Variants in LRBA observed in about 807,000 individuals in gnomAD.
The protein encoded by LRBA is LPS responsive beige-like anchor protein.
In LRBA, 176 loss-of-function variants were observed where a neutral mutation model predicts 330.0. That is an observed-to-expected ratio of 0.53 (90% confidence interval 0.47 to 0.60). The LOEUF (loss-of-function observed/expected upper bound fraction) is 0.60, where lower values mean the gene tolerates loss of function less well. Among genes scored for constraint, LRBA ranks in the 20% least tolerant of loss-of-function variants. The probability of loss-of-function intolerance (pLI) is 0.00; values close to 1 mark genes in which losing one functional copy is unlikely to be tolerated. For missense variants in LRBA, 3,259 were observed against 3,444.8 expected (o/e 0.95, Z 1.35); for synonymous variants, 1,230 against 1,193.0 (o/e 1.03, Z -0.64).
At chr4:150,352,519 A>G (rs1021101216) in intron 47 of LRBA, among the ~76,000 whole-genome samples, 6 of 152,216 alleles carry the variant, frequency 3.9e-5, no homozygotes, top group African/African-American at 1.2e-4. Context: ...TGAGAAAGTT[A>G]TTGTTTTAGA....
At chr4:150,755,713 T>C (rs1472645175) in intron 35 of LRBA, among the ~76,000 whole-genome samples, 1 of 151,332 alleles carries the variant, frequency 6.6e-6, no homozygotes, top group Non-Finnish European at 1.5e-5. Context: ...ATAGAAACAA[T>C]GAGGAGAAAC....
intron 20 of LRBA, 49 bp from the exon 21 acceptor site, chr4:150,868,354 C>T: frequency 7.1e-7 from 1 of 1,411,952 alleles, no homozygotes; most frequent in Non-Finnish European, 9.7e-7. Context: ...ACAAAAAACT[C>T]ATGATAGAAG....
intron 40 of LRBA, among the ~76,000 whole-genome samples, chr4:150,545,627 A>T (rs1478830609): frequency 6.6e-6 from 1 of 152,160 alleles, no homozygotes; most frequent in Admixed American, 6.5e-5. Flanking sequence ...TTTATGCTTT[A>T]AAAATAGGTT....
intron 34 of LRBA, among the ~76,000 whole-genome samples, chr4:150,772,412 C>T (rs766648043): frequency 3.3e-5 from 5 of 152,130 alleles, no homozygotes; most frequent in African/African-American, 4.8e-5. Flanking sequence ...ATGCAACTTA[C>T]TTGTGTTTTC....
At chr4:150,364,916 T>C (rs1469150409) in intron 47 of LRBA, among the ~76,000 whole-genome samples, 1 of 151,890 alleles carries the variant, frequency 6.6e-6, no homozygotes, top group Non-Finnish European at 1.5e-5. Flanking sequence ...TTCACTATAA[T>C]ATTTTATATC....
chr4:151,006,377 T>G (rs960931636), intron 2 of LRBA, among the ~76,000 whole-genome samples: 1 of 152,058 alleles, frequency 6.6e-6, no homozygotes, highest in South Asian at 2.1e-4. Context: ...GGAACTAGGC[T>G]TCCTAAAGAT....
At chr4:150,349,931 T>C in intron 48 of LRBA, 61 bp downstream of exon 48, 1 of 1,460,032 alleles carries the variant, frequency 6.8e-7, no homozygotes, top group Non-Finnish European at 9.5e-7. Flanking sequence ...AGGTGTTCTC[T>C]AGCTCCTTCT....
At position 150,271,722 on chromosome 4, in the gene LRBA, C is replaced by T. The variant is rs190008001; in HGVS notation, c.8469-5910G>A. On this transcript the variant is annotated intron_variant, in intron 56 of 56. Coordinates refer to ENST00000651943, the MANE Select transcript of LRBA (RefSeq NM_001364905.1). ...GCTTGAGTAGGTGGTTTTACCCTCACGGTGTAAACAAAGCCTCTGGGGAGT... is the reference window on the plus strand; with the variant it reads ...GCTTGAGTAGGTGGTTTTACCCTCATGGTGTAAACAAAGCCTCTGGGGAGT... Among the ~76,000 whole-genome samples the T allele has an allele frequency of 4.3e-4, 66 of 152,294 alleles. 1 individual carries two copies. Among genetic ancestry groups the T allele is most frequent in the South Asian group, 2.1e-3 (10 of 4,830 alleles).
intron 48 of LRBA, among the ~76,000 whole-genome samples, chr4:150,342,987 T>G (rs913684093): frequency 6.7e-6 from 1 of 149,594 alleles, no homozygotes; most frequent in Non-Finnish European, 1.5e-5. Context: ...AATGTGCTAA[T>G]ATTAATGATA....
At chr4:150,679,075 A>G (rs1026972885) in intron 37 of LRBA, among the ~76,000 whole-genome samples, 3 of 152,200 alleles carry the variant, frequency 2.0e-5, no homozygotes, top group Middle Eastern at 3.2e-3. Flanking sequence ...ATACGTCAAG[A>G]TGAGTTCAAT....
At chr4:150,603,905 A>T (rs779577792) in intron 37 of LRBA, among the ~76,000 whole-genome samples, 1 of 152,182 alleles carries the variant, frequency 6.6e-6, no homozygotes, top group Non-Finnish European at 1.5e-5. Context: ...ACATCAATAG[A>T]TAGGCTATTT....
chr4:150,689,380 G>A (rs962726447), intron 36 of LRBA, among the ~76,000 whole-genome samples: 3 of 151,800 alleles, frequency 2.0e-5, no homozygotes, highest in Non-Finnish European at 4.4e-5. Flanking sequence ...GATGGGTGCA[G>A]CAAACCACAA....
At chr4:150,683,477 T>C (rs913585016) in intron 37 of LRBA, 74 bp downstream of exon 37, 4 of 1,154,832 alleles carry the variant, frequency 3.5e-6, no homozygotes, top group African/African-American at 3.1e-5. Flanking sequence ...GCTTTGATCA[T>C]ATCCAAAGTC....
At chr4:150,742,926 A>G (rs1732213548) in intron 35 of LRBA, among the ~76,000 whole-genome samples, 1 of 152,102 alleles carries the variant, frequency 6.6e-6, no homozygotes, top group Non-Finnish European at 1.5e-5. Context: ...AAAACAAAAA[A>G]AGAGCAAACA....
intron 40 of LRBA, among the ~76,000 whole-genome samples, chr4:150,504,886 C>T (rs567336206): frequency 5.9e-5 from 9 of 152,126 alleles, no homozygotes; most frequent in African/African-American, 1.7e-4. Flanking sequence ...GGAAGATCTA[C>T]CAAGCAAATG....
chr4:150,293,250 A>G (rs1226083035), intron 53 of LRBA, among the ~76,000 whole-genome samples: 2 of 152,212 alleles, frequency 1.3e-5, no homozygotes, highest in Non-Finnish European at 2.9e-5. Flanking sequence ...CATGCGGCTC[A>G]CCATAATGGT....
At chr4:150,381,407 T>C (rs1203050722) in intron 47 of LRBA, among the ~76,000 whole-genome samples, 3 of 152,226 alleles carry the variant, frequency 2.0e-5, no homozygotes, top group Non-Finnish European at 4.4e-5. Flanking sequence ...TGTATTTCTA[T>C]GGATTTGTCT....
chr4:150,288,221 C>T (rs1446796555), intron 53 of LRBA, among the ~76,000 whole-genome samples: 2 of 151,884 alleles, frequency 1.3e-5, no homozygotes, highest in African/African-American at 2.4e-5. Context: ...CCTCGTGATC[C>T]GCCTGCCTCG....
chr4:150,583,740 G>C lies in LRBA; in HGVS notation c.6330+4308C>G. The C allele has an allele frequency of 6.2e-7, 1 of 1,613,628 alleles. No individual in the cohort carries two copies. Among genetic ancestry groups the C allele is most frequent in the East Asian group, 2.2e-5 (1 of 44,844 alleles). Reference sequence around the variant, plus strand: ...CCTGGGTGCTACAGTTCGGGGAGGCGGAGAACCGCCTGCTGATGGGCGGCT... The same window carrying C: ...CCTGGGTGCTACAGTTCGGGGAGGCCGAGAACCGCCTGCTGATGGGCGGCT... On this transcript the variant is annotated intron_variant, in intron 40 of 56. Transcript: ENST00000651943. This position sits in a 1 kb window ranked among gnomAD's most constrained non-coding sequence, Gnocchi z 9.8.
Sources: allele counts gnomAD v4.1 joint callset (sites outside exome capture counted in the v4.1 genomes callset), GRCh38; gene constraint gnomAD v4.1.1; non-coding constraint Gnocchi (gnomAD v3.1); transcripts MANE v1.5; gene names NCBI Gene and HGNC (gene_info 2026-07-23, HGNC 2026-07-21).